RAB2A: variants seen among roughly 807,000 people sequenced by gnomAD.
RAB2A encodes the protein ras-related protein Rab-2A.
Under a neutral mutation model 32.5 loss-of-function variants are expected in RAB2A, and 7 were observed. The ratio of observed to expected loss-of-function variants is 0.22; its 90% CI spans 0.12 to 0.40. The LOEUF (loss-of-function observed/expected upper bound fraction) is 0.40, where lower values mean the gene tolerates loss of function less well. RAB2A is among the 10% of genes least tolerant of loss of function. The probability of loss-of-function intolerance (pLI) is 1.00; values close to 1 mark genes in which losing one functional copy is unlikely to be tolerated. For synonymous variants in RAB2A, 79 were observed against 85.2 expected (o/e 0.93, Z 0.40); for missense variants, 108 against 260.7 (o/e 0.41, Z 4.03).
chr8:60,603,807 C>T (rs774699165), intron 6 of RAB2A, among the ~76,000 whole-genome samples: 10 of 151,956 alleles, frequency 6.6e-5, no homozygotes, highest in East Asian at 5.8e-4. Context: ...GATTACTTGA[C>T]GCCAGGAGTT....
chr8:60,611,094 A>G (rs77014717), intron 6 of RAB2A, among the ~76,000 whole-genome samples: 1 of 152,164 alleles, frequency 6.6e-6, no homozygotes, highest in East Asian at 1.9e-4. Flanking sequence ...TTCACAACAG[A>G]TATTAGGTTT....
chr8:60,577,048 T>C (rs1215428901), intron 3 of RAB2A, among the ~76,000 whole-genome samples: 1 of 152,188 alleles, frequency 6.6e-6, no homozygotes, highest in East Asian at 1.9e-4. Context: ...TTATCTTTTT[T>C]TTTTTCTTGT....
At chr8:60,592,743 G>A (rs535591898) in intron 6 of RAB2A, among the ~76,000 whole-genome samples, 1 of 152,176 alleles carries the variant, frequency 6.6e-6, no homozygotes, top group East Asian at 1.9e-4. Context: ...GAGGTAGTAT[G>A]TATATACATA....
intron 5 of RAB2A, among the ~76,000 whole-genome samples, chr8:60,585,393 G>T (rs1803831547): frequency 1.3e-5 from 2 of 152,060 alleles, no homozygotes; most frequent in South Asian, 4.1e-4. Context: ...GCTCACTGCA[G>T]CTTGGCCTCC....
intron 2 of RAB2A, among the ~76,000 whole-genome samples, chr8:60,566,540 C>T (rs1188702005): frequency 6.6e-6 from 1 of 152,008 alleles, no homozygotes; most frequent in Non-Finnish European, 1.5e-5. Flanking sequence ...CATACAATGT[C>T]CTAAATATTC....
intron 1 of RAB2A, among the ~76,000 whole-genome samples, chr8:60,526,015 G>GTTCACA (rs1437894813): frequency 2.4e-5 from 2 of 82,098 alleles, no homozygotes; most frequent in African/African-American, 5.2e-5. Flanking sequence ...ATATGTGTGT[G>GTTCACA]TGTACATATA....
intron 5 of RAB2A, among the ~76,000 whole-genome samples, chr8:60,587,884 C>T (rs572587345): frequency 7.9e-5 from 12 of 152,042 alleles, no homozygotes; most frequent in Admixed American, 2.6e-4. Flanking sequence ...ATGAAGAATG[C>T]TTATAATTCA....
intron 3 of RAB2A, among the ~76,000 whole-genome samples, chr8:60,581,098 C>T (rs1803741349): frequency 6.6e-6 from 1 of 152,178 alleles, no homozygotes; most frequent in South Asian, 2.1e-4. Context: ...TAGTGCTGAA[C>T]TCTATATATA....
In RAB2A at chr8:60,517,012, G is replaced by T. The variant is rs1177075517; in HGVS notation, c.-196G>T. 2 of 492,802 alleles carry T rather than the reference G, an allele frequency of 4.1e-6. No homozygotes were observed. Among genetic ancestry groups the T allele is most frequent in the South Asian group, 3.4e-5 (1 of 29,470 alleles). The allele number at this position is 492,802 out of a possible 1,614,324, so 30.5% of individuals were successfully genotyped here. A position where few individuals can be genotyped will look rare whatever the true frequency, so the allele number is the denominator to read the frequency against. On this transcript the variant is annotated 5_prime_UTR_variant, in exon 1 of 8. Transcript: ENST00000262646. ...ATTGTTCGGCTGGGCTCGGTCGGGC[G>T]CTGTCTCCCTCGGCTCTGCGGGTGT...
intron 1 of RAB2A, among the ~76,000 whole-genome samples, chr8:60,543,563 T>G (rs1162450639): frequency 6.6e-6 from 1 of 152,154 alleles, no homozygotes; most frequent in Non-Finnish European, 1.5e-5. Context: ...CAAAGATCCT[T>G]TTTCCAAATA....
chr8:60,525,509 C>T (rs1303783286), intron 1 of RAB2A, among the ~76,000 whole-genome samples: 2 of 152,088 alleles, frequency 1.3e-5, no homozygotes, highest in Non-Finnish European at 2.9e-5. Flanking sequence ...TGTCTGACTC[C>T]ACGGGCCATT....
chr8:60,552,001 G>GTTTTGTT, intron 1 of RAB2A: 1 of 109,750 alleles, frequency 9.1e-6, no homozygotes, highest in African/African-American at 3.6e-5. Context: ...GTAGCTGGGA[G>GTTTTGTT]TTTTTTTTTT....
chr8:60,605,320 G>T (rs1423393104), intron 6 of RAB2A, among the ~76,000 whole-genome samples: 1 of 152,244 alleles, frequency 6.6e-6, no homozygotes, highest in South Asian at 2.1e-4. Flanking sequence ...GAAGCCTACT[G>T]CAGGGGTGGA....
In RAB2A at chr8:60,621,535, C is replaced by G. The variant is rs1804525928; in HGVS notation, c.*766C>G. The G allele has an allele frequency of 6.6e-6, 1 of 151,962 alleles. No individual in the cohort carries two copies. The highest frequency in any genetic ancestry group is 2.1e-4 in the South Asian group (1 of 4,808). The allele number at this position is 151,962 out of a possible 1,614,324, so 9.4% of individuals were successfully genotyped here. A position where few individuals can be genotyped will look rare whatever the true frequency, so the allele number is the denominator to read the frequency against. On this transcript the variant is annotated 3_prime_UTR_variant, in exon 8 of 8. Coordinates refer to ENST00000262646, the MANE Select transcript of RAB2A (RefSeq NM_002865.3). Reference sequence around the variant, plus strand: ...ACCTCTTCAGAAAGGGATTTGTTTGCCTTAATGAATACTGTTGGGAAAAAA... The same window carrying G: ...ACCTCTTCAGAAAGGGATTTGTTTGGCTTAATGAATACTGTTGGGAAAAAA...
At chr8:60,557,972 C>A (rs1807964044) in intron 1 of RAB2A, among the ~76,000 whole-genome samples, 1 of 152,156 alleles carries the variant, frequency 6.6e-6, no homozygotes, top group African/African-American at 2.4e-5. Flanking sequence ...TGTTTAATTT[C>A]TCTACCTGAA....
rs191754281 is a variant in RAB2A, at chr8:60,554,960, C to T, written c.47-3892C>T. Among the ~76,000 whole-genome samples the T allele has an allele frequency of 1.2e-3, 187 of 152,216 alleles. 3 individuals are homozygous for T. The East Asian group carries it at 0.03, about 24-fold the overall frequency. On this transcript the variant is annotated intron_variant, in intron 1 of 7. Coordinates refer to ENST00000262646, the MANE Select transcript of RAB2A (RefSeq NM_002865.3). Reference sequence around the variant, plus strand: ...GAGTGGAGAGTGTTGAGGAAGACCTCCAGTATTTTCAGGGTTATATGGAAG... The same window carrying T: ...GAGTGGAGAGTGTTGAGGAAGACCTTCAGTATTTTCAGGGTTATATGGAAG...
At chr8:60,550,719 G>A (rs1807832975) in intron 1 of RAB2A, among the ~76,000 whole-genome samples, 1 of 152,050 alleles carries the variant, frequency 6.6e-6, no homozygotes, top group South Asian at 2.1e-4. Flanking sequence ...CTACTTGTAA[G>A]TTCTCATTGT....
intron 1 of RAB2A, among the ~76,000 whole-genome samples, chr8:60,554,153 T>A (rs1807899620): frequency 6.6e-6 from 1 of 152,226 alleles, no homozygotes; most frequent in Non-Finnish European, 1.5e-5. Context: ...TAATTGTATC[T>A]GCATTTTAGC....
chr8:60,617,800 A>G (rs919269466), intron 6 of RAB2A, among the ~76,000 whole-genome samples: 3 of 152,204 alleles, frequency 2.0e-5, no homozygotes, highest in Admixed American at 6.5e-5. Context: ...AAGTTACACA[A>G]CCATCACCAC....
Sources: gnomAD v4.1 joint callset for allele counts (sites outside exome capture counted in the v4.1 genomes callset) on GRCh38, gnomAD v4.1.1 for gene constraint, MANE v1.5 for transcripts, NCBI Gene and HGNC (gene_info 2026-07-23, HGNC 2026-07-21) for gene names.